RGS10: variants seen among roughly 807,000 people sequenced by gnomAD.
The protein encoded by RGS10 is regulator of G protein signaling 10, also known as regulator of G-protein signalling 10.
In RGS10, 11 loss-of-function variants were observed where a neutral mutation model predicts 23.5. That is an observed-to-expected ratio of 0.47 (90% CI 0.29 to 0.77). The LOEUF (loss-of-function observed/expected upper bound fraction) is 0.77. Among genes scored for constraint, RGS10 ranks in the 30% least tolerant of loss-of-function variants. The pLI is 0.08. For synonymous variants in RGS10, 77 were observed against 83.2 expected (o/e 0.92, Z 0.41); for missense variants, 180 against 226.3 (o/e 0.80, Z 1.31).
intron 4 of RGS10, among the ~76,000 whole-genome samples, chr10:119,512,298 A>C (rs919234920): frequency 2.6e-5 from 4 of 152,128 alleles, no homozygotes; most frequent in Non-Finnish European, 5.9e-5. Flanking sequence ...CCTCAGCTTC[A>C]ATCTCCTTCA....
At chr10:119,539,771 C>G (rs764940410) in intron 1 of RGS10, among the ~76,000 whole-genome samples, 1 of 152,014 alleles carries the variant, frequency 6.6e-6, no homozygotes, top group Admixed American at 6.6e-5. Flanking sequence ...CAAAATCCTC[C>G]GCGGAAAGAC....
rs1405565056 is a variant in RGS10, at chr10:119,538,293, G to T, written c.49+4297C>A. Among the ~76,000 whole-genome samples the T allele has an allele frequency of 6.6e-6, 1 of 152,218 alleles. No individual in the cohort carries two copies. The highest frequency in any genetic ancestry group is 6.5e-5 in the Admixed American group (1 of 15,278). On this transcript the variant is annotated intron_variant, in intron 1 of 4. Coordinates refer to ENST00000369103, the MANE Select transcript of RGS10 (RefSeq NM_001005339.2). This position sits in a 1 kb window ranked among gnomAD's most constrained non-coding sequence, Gnocchi z 4.5. ...CCGTGGACTTGGGTCCAAGACTTGA[G>T]TTCTCTGCCCCTTCAGAAATGGGTG...
At chr10:119,520,075 C>G (rs1844196259) in intron 3 of RGS10, among the ~76,000 whole-genome samples, 1 of 152,210 alleles carries the variant, frequency 6.6e-6, no homozygotes, top group South Asian at 2.1e-4. Flanking sequence ...CCACCCCCAT[C>G]CCGTCTGCTG....
intron 2 of RGS10, 59 bp from the exon 3 acceptor site, chr10:119,526,177 A>C: frequency 1.1e-6 from 1 of 930,600 alleles, no homozygotes. Context: ...AAATAAAACA[A>C]ATGGCATTTC....
intron 4 of RGS10, among the ~76,000 whole-genome samples, chr10:119,505,319 C>T (rs1462197164): frequency 7.2e-6 from 1 of 138,462 alleles, no homozygotes; most frequent in African/African-American, 2.7e-5. Context: ...CTGCATTCTG[C>T]ATCTTTTTTT....
chr10:119,515,310 G>C (rs1468666350), intron 4 of RGS10, 199 bp downstream of exon 4: 1 of 612,274 alleles, frequency 1.6e-6, no homozygotes, highest in Admixed American at 2.9e-5. Flanking sequence ...AGGCCTGGGG[G>C]GACTCCTGTG....
At chr10:119,525,768 A>T (rs1564714152) in intron 3 of RGS10, among the ~76,000 whole-genome samples, 1 of 152,242 alleles carries the variant, frequency 6.6e-6, no homozygotes, top group Non-Finnish European at 1.5e-5. Flanking sequence ...GAAGAAAAAA[A>T]TTCTATGCAA....
intron 3 of RGS10, among the ~76,000 whole-genome samples, chr10:119,518,841 A>G (rs1201082071): frequency 6.6e-6 from 1 of 151,846 alleles, no homozygotes; most frequent in Non-Finnish European, 1.5e-5. Context: ...AGTAGCTGGG[A>G]TTACAGGAGT....
At chr10:119,513,190 G>T (rs184173301) in intron 4 of RGS10, among the ~76,000 whole-genome samples, 1 of 152,224 alleles carries the variant, frequency 6.6e-6, no homozygotes. Flanking sequence ...GGGCCTGGTG[G>T]CTCTTGCCTG....
chr10:119,523,086 C>G (rs1844237724), intron 3 of RGS10, among the ~76,000 whole-genome samples: 2 of 151,668 alleles, frequency 1.3e-5, no homozygotes, highest in South Asian at 4.2e-4. Flanking sequence ...CTCCTGGGCT[C>G]AAGTGATCCA....
At chr10:119,500,341 T>C in intron 4 of RGS10, 82 bp from the exon 5 acceptor site, 2 of 1,266,854 alleles carry the variant, frequency 1.6e-6, no homozygotes, top group Non-Finnish European at 2.2e-6. Flanking sequence ...TATTAATACC[T>C]ACCATGTGCC....
At chr10:119,536,468 C>A (rs1589843576) in intron 1 of RGS10, 1 of 1,613,104 alleles carries the variant, frequency 6.2e-7, no homozygotes, top group East Asian at 2.2e-5. Flanking sequence ...CCTTACGTTC[C>A]ATGCTCTGGT....
chr10:119,526,117 T>C lies in RGS10; in HGVS notation c.170A>G (p.Glu57Gly), dbSNP rs1032546046. The change falls in exon 3 of 5, where the codon GAA becomes GGA. Residue 57 changes from glutamate (E) to glycine (G), a missense_variant and splice_region_variant. Glu to Gly is a moderately conservative substitution (Grantham distance 98). Coordinates refer to ENST00000369103, the MANE Select transcript of RGS10 (RefSeq NM_001005339.2). ...TTCACTGAATTCCTTTTTTAAAAATTCCTGTGGATACAAAGAAAAAGAGTC... is the reference window on the plus strand; with the variant it reads ...TTCACTGAATTCCTTTTTTAAAAATCCCTGTGGATACAAAGAAAAAGAGTC... ...EDPEGVKRFR[E>G]FLKKEFSEEN... 38 of 1,496,776 alleles carry C rather than the reference T, an allele frequency of 2.5e-5. No individual in the cohort carries two copies. Among genetic ancestry groups the C allele is most frequent in the Non-Finnish European group, 3.5e-5 (38 of 1,091,598 alleles). The allele number at this position is 1,496,776 out of a possible 1,614,324, so 92.7% of individuals were successfully genotyped here. A position where few individuals can be genotyped will look rare whatever the true frequency, so the allele number is the denominator to read the frequency against.
At position 119,527,526 on chromosome 10, in the gene RGS10, T is replaced by C; in HGVS notation, c.50-102A>G. Reference sequence around the variant, plus strand: ...ACTGCCGTCACCATCACGGCTGACATACACCGACTTATGCGTCAGGCTCTG... The same window carrying C: ...ACTGCCGTCACCATCACGGCTGACACACACCGACTTATGCGTCAGGCTCTG... On this transcript the variant is annotated intron_variant, in intron 1 of 4. Coordinates refer to ENST00000369103, the MANE Select transcript of RGS10 (RefSeq NM_001005339.2). This position sits in a 1 kb window ranked among gnomAD's most constrained non-coding sequence, Gnocchi z 4.2. 2.4e-6 allele frequency: 2 copies of C among 837,432 alleles called. No homozygotes were observed. Among genetic ancestry groups the C allele is most frequent in the Non-Finnish European group, 4.0e-6 (2 of 494,206 alleles). 51.9% of individuals were successfully genotyped at this position (837,432 alleles called of 1,614,324 possible). A position where few individuals can be genotyped will look rare whatever the true frequency, so the allele number is the denominator to read the frequency against.
intron 3 of RGS10, among the ~76,000 whole-genome samples, chr10:119,518,399 C>A (rs938117968): frequency 6.6e-6 from 1 of 152,234 alleles, no homozygotes; most frequent in Non-Finnish European, 1.5e-5. Flanking sequence ...AGGCACCCCA[C>A]AAGGCTGAGG....
chr10:119,516,502 GC>G (rs2133950908), intron 3 of RGS10: 1 of 152,296 alleles, frequency 6.6e-6, no homozygotes, highest in East Asian at 1.9e-4. Flanking sequence ...TCTGAATTCT[GC>G]TCAGTTCCAC....
intron 1 of RGS10, among the ~76,000 whole-genome samples, chr10:119,535,992 A>T (rs906150920): frequency 6.6e-6 from 1 of 152,166 alleles, no homozygotes; most frequent in African/African-American, 2.4e-5. Context: ...TTAGAATCAG[A>T]GAGTCATTTT....
Position 119,515,493 on chromosome 10 carries a change from A to G in RGS10, c.399+16T>C. 1 of 1,613,956 alleles carries G rather than the reference A, an allele frequency of 6.2e-7. No homozygotes were observed. Among genetic ancestry groups the G allele is most frequent in the South Asian group, 1.1e-5 (1 of 91,062 alleles). On this transcript the variant is annotated intron_variant, in intron 4 of 4. Coordinates refer to ENST00000369103, the MANE Select transcript of RGS10 (RefSeq NM_001005339.2). ...TAGGTTTTCAAATCAAGGTGCAGGCAGGGAAGTCGGGTTACCTGGTCCTGG... is the reference window on the plus strand; with the variant it reads ...TAGGTTTTCAAATCAAGGTGCAGGCGGGGAAGTCGGGTTACCTGGTCCTGG...
chr10:119,503,834 T>C (rs561952250), intron 4 of RGS10, among the ~76,000 whole-genome samples: 1 of 152,300 alleles, frequency 6.6e-6, no homozygotes, highest in African/African-American at 2.4e-5. Context: ...ACTAGTCAGA[T>C]TGGGTTAGAG....
Sources: gnomAD v4.1 joint callset for allele counts (sites outside exome capture counted in the v4.1 genomes callset) on GRCh38, gnomAD v4.1.1 for gene constraint, Gnocchi (gnomAD v3.1) non-coding constraint, MANE v1.5 for transcripts, NCBI Gene and HGNC (gene_info 2026-07-23, HGNC 2026-07-21) for gene names.